The following CACNG5 variants were observed in gnomAD, a reference collection of about 807,000 sequenced individuals.
The protein encoded by CACNG5 is voltage-dependent calcium channel gamma-5 subunit.
CACNG5 carries 18 observed loss-of-function variants against 24.8 expected under a neutral mutation model. The observed-to-expected ratio is 0.73, with a 90% CI of 0.50 to 1.08. The LOEUF is 1.08. CACNG5 is among the 50% of genes least tolerant of loss of function. The pLI is 0.00. For synonymous variants in CACNG5, 157 were observed against 149.1 expected (o/e 1.05, Z -0.39); for missense variants, 349 against 367.9 (o/e 0.95, Z 0.42).
At chr17:66,879,753 C>T (rs1977131854) in intron 3 of CACNG5, among the ~76,000 whole-genome samples, 1 of 152,188 alleles carries the variant, frequency 6.6e-6, no homozygotes, top group African/African-American at 2.4e-5. Flanking sequence ...ATGTGTTCAT[C>T]AACCAGGAAG....
rs1286898615 is a variant in CACNG5 at position 66,888,220 on chromosome 17, T to G, written c.*2980T>G. 4.1e-5 allele frequency among the ~76,000 whole-genome samples: 6 copies of G among 144,984 alleles called. No homozygotes were observed. The highest frequency in any genetic ancestry group is 1.6e-4 in the African/African-American group (6 of 38,478). ...TTTTTTTTGAGATGATGTCTTGCTC[T>G]GTCACCCAGGCTGGAGTGCATGTAA... On this transcript the variant is annotated 3_prime_UTR_variant, in exon 6 of 6. Coordinates refer to ENST00000533854, the MANE Select transcript of CACNG5 (RefSeq NM_145811.3).
At chr17:66,882,432 T>C (rs545093616) in intron 4 of CACNG5, among the ~76,000 whole-genome samples, 1 of 151,958 alleles carries the variant, frequency 6.6e-6, no homozygotes, top group Non-Finnish European at 1.5e-5. Context: ...GGACCAAAGA[T>C]AGAGATTGGA....
chr17:66,870,154 T>C (rs1225696829), intron 1 of CACNG5, among the ~76,000 whole-genome samples: 3 of 152,046 alleles, frequency 2.0e-5, no homozygotes, highest in African/African-American at 7.2e-5. Context: ...GTGCTCATGA[T>C]TTTGCGGGTG....
At chr17:66,874,086 A>G (rs528121692) in intron 1 of CACNG5, among the ~76,000 whole-genome samples, 4 of 152,090 alleles carry the variant, frequency 2.6e-5, no homozygotes, top group Admixed American at 1.3e-4. Context: ...GGGGCAAGGT[A>G]AGGTTCAAAT....
chr17:66,872,112 A>T (rs1415239558), intron 1 of CACNG5, among the ~76,000 whole-genome samples: 1 of 152,268 alleles, frequency 6.6e-6, no homozygotes, highest in African/African-American at 2.4e-5. Flanking sequence ...TTTAAAAACC[A>T]TGCATAACCT....
intron 1 of CACNG5, among the ~76,000 whole-genome samples, chr17:66,848,389 A>G (rs1402421070): frequency 6.6e-6 from 1 of 152,172 alleles, no homozygotes; most frequent in Non-Finnish European, 1.5e-5. Flanking sequence ...ATGTCACCCC[A>G]TCAAATGGGG....
At chr17:66,879,131 G>A in intron 3 of CACNG5, 73 bp downstream of exon 3, 2 of 1,118,862 alleles carry the variant, frequency 1.8e-6, no homozygotes, top group South Asian at 1.3e-5. Context: ...AAGAGTCAGT[G>A]TGCCAGCATA....
At position 66,892,989 on chromosome 17, in the gene CACNG5, G is replaced by A. The variant is rs1478742273; in HGVS notation, c.*7749G>A. Among the ~76,000 whole-genome samples the A allele has an allele frequency of 1.3e-5, 2 of 152,142 alleles. No homozygotes were observed. The highest frequency in any genetic ancestry group is 2.9e-5 in the Non-Finnish European group (2 of 68,026). The stretch of plus-strand genomic sequence containing the variant: ...CCCAGCAGGTCATCACCAACATCAT[G>A]ACCACCAACATGCATCTAAAGTCCT... On this transcript the variant is annotated 3_prime_UTR_variant, in exon 6 of 6. Transcript: ENST00000533854.
At chr17:66,884,928 G>A (rs779546644) in intron 5 of CACNG5, 55 bp from the exon 6 acceptor site, 1 of 1,614,058 alleles carries the variant, frequency 6.2e-7, no homozygotes. Flanking sequence ...CCCAGCCAAG[G>A]GAGATGAGGC....
At chr17:66,883,355 A>G (rs1235766909) in intron 4 of CACNG5, among the ~76,000 whole-genome samples, 1 of 152,112 alleles carries the variant, frequency 6.6e-6, no homozygotes, top group Non-Finnish European at 1.5e-5. Flanking sequence ...TGATAACAAT[A>G]AAGAGGGTTC....
At position 66,877,548 on chromosome 17, in the gene CACNG5, G is replaced by C; in HGVS notation, c.196+20G>C. The C allele has an allele frequency of 6.2e-7, 1 of 1,606,594 alleles. No individual in the cohort carries two copies. Among genetic ancestry groups the C allele is most frequent in the Non-Finnish European group, 8.5e-7 (1 of 1,174,698 alleles). The stretch of plus-strand genomic sequence containing the variant: ...TTGCAGGTAAGGGTGCCCAGGGTTG[G>C]GGACAGCCCTGCCCCCTGACATCAC... On this transcript the variant is annotated intron_variant, in intron 2 of 5. Transcript: ENST00000533854.
At chr17:66,881,628 A>T (rs1413224567) in intron 4 of CACNG5, among the ~76,000 whole-genome samples, 3 of 152,278 alleles carry the variant, frequency 2.0e-5, no homozygotes, top group African/African-American at 7.2e-5. Context: ...GCAATGGGAG[A>T]TAGAAACAGT....
At chr17:66,851,183 G>A (rs145778085) in intron 1 of CACNG5, among the ~76,000 whole-genome samples, 1 of 152,230 alleles carries the variant, frequency 6.6e-6, no homozygotes, top group East Asian at 1.9e-4. Flanking sequence ...AACAAAGACC[G>A]AAGAATGAGC....
intron 1 of CACNG5, among the ~76,000 whole-genome samples, chr17:66,846,124 C>T (rs867478979): frequency 3.3e-5 from 5 of 152,316 alleles, no homozygotes; most frequent in Admixed American, 6.5e-5. Flanking sequence ...CCCCAGCAAC[C>T]TCCCTGACCC....
rs1188124534 is a variant in CACNG5 at position 66,891,841 on chromosome 17, C to T, written c.*6601C>T. Among the ~76,000 whole-genome samples the T allele has an allele frequency of 6.6e-6, 1 of 152,180 alleles. No homozygotes were observed. The highest frequency in any genetic ancestry group is 1.5e-5 in the Non-Finnish European group (1 of 68,040). ...TGGCTTTGACTAGTAAGTTATTCTC[C>T]CAGCCTGGAGATTCTGAAGTTACTC... On this transcript the variant is annotated 3_prime_UTR_variant, in exon 6 of 6. Transcript: ENST00000533854.
Position 66,838,716 on chromosome 17 carries a change from G to A in CACNG5, c.-104+3466G>A, listed in dbSNP as rs532222710. Among the ~76,000 whole-genome samples the A allele has an allele frequency of 1.6e-4, 24 of 152,176 alleles. No individual in the cohort carries two copies. In the East Asian group the frequency reaches 4.1e-3, roughly 26 times the overall value. ...ACATCTATTCTTAAATAATAATAAC[G>A]ATGACAACAATGATGATAGCAGCTC... On this transcript the variant is annotated intron_variant, in intron 1 of 5. Coordinates refer to ENST00000533854, the MANE Select transcript of CACNG5 (RefSeq NM_145811.3).
At chr17:66,857,000 A>T (rs1302291065) in intron 1 of CACNG5, among the ~76,000 whole-genome samples, 1 of 151,934 alleles carries the variant, frequency 6.6e-6, no homozygotes, top group East Asian at 1.9e-4. Context: ...GAAAATTATC[A>T]TCAAAAACAA....
intron 1 of CACNG5, among the ~76,000 whole-genome samples, chr17:66,871,018 T>C (rs1466898344): frequency 6.6e-6 from 1 of 151,600 alleles, no homozygotes; most frequent in Non-Finnish European, 1.5e-5. Context: ...TTCTGTGTAC[T>C]TTATTTGTCA....
Position 66,835,404 on chromosome 17 carries a change from C to T in CACNG5, c.-104+154C>T, listed in dbSNP as rs1364135097. On this transcript the variant is annotated intron_variant, in intron 1 of 5. Transcript: ENST00000533854. ...GCTGGAGAGCCCTAGCGATCGCGCA[C>T]CCTGGAAGGGGCAGTGTGGTGGGGA... 3.3e-5 allele frequency among the ~76,000 whole-genome samples: 5 copies of T among 152,274 alleles called. No homozygotes were observed. In the East Asian group the frequency reaches 9.7e-4, roughly 30 times the overall value.
Sources: gnomAD v4.1 joint callset for allele counts (sites outside exome capture counted in the v4.1 genomes callset) on GRCh38, gnomAD v4.1.1 for gene constraint, MANE v1.5 for transcripts, NCBI Gene and HGNC (gene_info 2026-07-23, HGNC 2026-07-21) for gene names.